The following BTBD7 variants were observed in gnomAD, a reference collection of about 807,000 sequenced individuals.
BTBD7 encodes the protein BTB/POZ domain-containing protein 7.
In BTBD7, 38 loss-of-function variants were observed where a neutral mutation model predicts 99.9. The observed-to-expected ratio is 0.38, with a 90% CI of 0.29 to 0.50. The LOEUF (loss-of-function observed/expected upper bound fraction) is 0.50, where lower values mean the gene tolerates loss of function less well. Among genes scored for constraint, BTBD7 ranks in the 20% least tolerant of loss-of-function variants. The pLI is 0.93. For synonymous variants in BTBD7, 520 were observed against 511.4 expected, an observed-to-expected ratio of 1.02 and a Z score of -0.23; for missense variants, 1,170 against 1,394.6, an observed-to-expected ratio of 0.84 and a Z score of 2.57.
Position 93,294,290 on chromosome 14 carries a change from T to C in BTBD7, c.730A>G (p.Met244Val), listed in dbSNP as rs769964438. The change falls in exon 3 of 11, where the codon ATG becomes GTG. Residue 244 changes from methionine (M) to valine (V), a missense_variant. Met to Val is a conservative substitution (Grantham distance 21). Transcript: ENST00000334746. ...CTAAGGACGACATCATAATAACACA[T>C]GTAATCAAAGAGTCCACGCATATCT... ...DVDMRGLFDY[M>V]CYYDVVLSFS... 3.1e-6 allele frequency: 5 copies of C among 1,614,130 alleles called. No individual in the cohort carries two copies. The South Asian group carries it at 3.3e-5, about 11-fold the overall frequency.
intron 4 of BTBD7, among the ~76,000 whole-genome samples, chr14:93,263,400 G>A (rs569748020): frequency 6.6e-6 from 1 of 152,308 alleles, no homozygotes; most frequent in African/African-American, 2.4e-5. Flanking sequence ...TTTTTACTTT[G>A]TGCTGCTGAA....
At position 93,332,995 on chromosome 14, in the gene BTBD7, C is replaced by G; in HGVS notation, c.-282G>C. 1.8e-6 allele frequency: 1 copy of G among 552,042 alleles called. No individual in the cohort carries two copies. Among genetic ancestry groups the G allele is most frequent in the Non-Finnish European group, 3.0e-6 (1 of 331,586 alleles). 34.2% of individuals were successfully genotyped at this position (552,042 alleles called of 1,614,324 possible). A position where few individuals can be genotyped will look rare whatever the true frequency, so the allele number is the denominator to read the frequency against. ...CAGTGGCTCAGGCTCCGGGACTGCT[C>G]CAGGTTCCCCTCGCCGCCATTTTGA... On this transcript the variant is annotated 5_prime_UTR_variant, in exon 1 of 11. Transcript: ENST00000334746.
chr14:93,272,703 C>T (rs1028746272), intron 3 of BTBD7, among the ~76,000 whole-genome samples: 5 of 152,160 alleles, frequency 3.3e-5, no homozygotes, highest in Admixed American at 1.3e-4. Flanking sequence ...CCAGGAATTC[C>T]GGATCCAAAG....
At chr14:93,313,218 A>G (rs993484388) in intron 1 of BTBD7, among the ~76,000 whole-genome samples, 2 of 152,216 alleles carry the variant, frequency 1.3e-5, no homozygotes, top group Admixed American at 1.3e-4. Flanking sequence ...ATTTCAAATT[A>G]TAAGTAAGAG....
chr14:93,303,837 AC>A (rs915631646), intron 1 of BTBD7, among the ~76,000 whole-genome samples: 1 of 151,712 alleles, frequency 6.6e-6, no homozygotes, highest in African/African-American at 2.4e-5. Flanking sequence ...CGGCCTCCCC[AC>A]CCCCCACCAG....
chr14:93,284,576 AAGATGACC>A (rs1305381741), intron 3 of BTBD7, among the ~76,000 whole-genome samples: 1 of 152,164 alleles, frequency 6.6e-6, no homozygotes, highest in Non-Finnish European at 1.5e-5. Context: ...AGGTTATTCA[AAGATGACC>A]AAGATTTTGA....
intron 3 of BTBD7, among the ~76,000 whole-genome samples, chr14:93,264,776 AAAAC>A (rs145665595): frequency 5.9e-5 from 9 of 152,150 alleles, no homozygotes; most frequent in Non-Finnish European, 8.8e-5. Flanking sequence ...TGATAATGTG[AAAAC>A]AAACAAACAA....
chr14:93,317,064 G>A (rs1433408465), intron 1 of BTBD7, among the ~76,000 whole-genome samples: 1 of 152,154 alleles, frequency 6.6e-6, no homozygotes, highest in Non-Finnish European at 1.5e-5. Context: ...AGAGTGCAGT[G>A]GTACGATCTC....
At chr14:93,244,230 CT>C in intron 10 of BTBD7, 1 of 327,968 alleles carries the variant, frequency 3.0e-6, no homozygotes, top group Admixed American at 3.4e-5. Flanking sequence ...CTGAGCTCAA[CT>C]GCAGATCTAA....
In BTBD7 at chr14:93,296,210, C is replaced by T. The variant is rs901057066; in HGVS notation, c.-106-53G>A. On this transcript the variant is annotated intron_variant, in intron 1 of 10. Coordinates refer to ENST00000334746, the MANE Select transcript of BTBD7 (RefSeq NM_001002860.4). ...TCATTTTTTCAAGTGTATCTCAGAT[C>T]ACAGTTTTTTTTAAAAAGCTACTGA... is the stretch of plus-strand genomic sequence containing the variant. The T allele has an allele frequency of 3.2e-6, 4 of 1,232,232 alleles. No homozygotes were observed. In the African/African-American group the frequency reaches 6.2e-5, roughly 19 times the overall value. The allele number at this position is 1,232,232 out of a possible 1,614,324, so 76.3% of individuals were successfully genotyped here. A position where few individuals can be genotyped will look rare whatever the true frequency, so the allele number is the denominator to read the frequency against.
intron 1 of BTBD7, among the ~76,000 whole-genome samples, chr14:93,303,372 G>C (rs931894990): frequency 1.3e-5 from 2 of 151,924 alleles, no homozygotes; most frequent in Non-Finnish European, 2.9e-5. Flanking sequence ...AGGAGTCTGA[G>C]GCAGGCAGCT....
At chr14:93,278,123 T>A (rs1385175721) in intron 3 of BTBD7, among the ~76,000 whole-genome samples, 2 of 152,214 alleles carry the variant, frequency 1.3e-5, no homozygotes, top group African/African-American at 4.8e-5. Context: ...CATGTAATTA[T>A]GTTTTTCAGC....
intron 1 of BTBD7, among the ~76,000 whole-genome samples, chr14:93,315,407 T>C (rs969414590): frequency 1.3e-5 from 2 of 152,216 alleles, no homozygotes; most frequent in South Asian, 2.1e-4. Flanking sequence ...TTGTTAGCCA[T>C]TGAGGTGTAC....
chr14:93,254,470 T>C (rs1266215551), intron 6 of BTBD7, among the ~76,000 whole-genome samples: 1 of 152,098 alleles, frequency 6.6e-6, no homozygotes, highest in East Asian at 1.9e-4. Flanking sequence ...AACATTGACA[T>C]GGGCCTATAT....
chr14:93,263,776 AATG>A lies in BTBD7; in HGVS notation c.1371+6_1371+8del. 6.2e-7 allele frequency: 1 copy of A among 1,608,800 alleles called. No individual in the cohort carries two copies. Among genetic ancestry groups the A allele is most frequent in the African/African-American group, 1.3e-5 (1 of 74,926 alleles). ...AATGACAGAGTTTGAGAGGTGTTTA[AATG>A]ATTACCTGTAGGTAGTCAGACTGGA... is the stretch of plus-strand genomic sequence containing the variant. On this transcript the variant is annotated splice_donor_region_variant and intron_variant, in intron 4 of 10. Transcript: ENST00000334746.
chr14:93,327,950 CA>C (rs1304130005), intron 1 of BTBD7, among the ~76,000 whole-genome samples: 1 of 152,148 alleles, frequency 6.6e-6, no homozygotes, highest in African/African-American at 2.4e-5. Flanking sequence ...AATTAACACA[CA>C]AAAATGAGTT....
intron 3 of BTBD7, among the ~76,000 whole-genome samples, chr14:93,278,014 T>C (rs1427953271): frequency 1.3e-5 from 2 of 152,370 alleles, no homozygotes; most frequent in African/African-American, 2.4e-5. Flanking sequence ...TTTTGTTTAC[T>C]ATCCTTAGAC....
intron 1 of BTBD7, among the ~76,000 whole-genome samples, chr14:93,327,401 C>T (rs2053345833): frequency 6.6e-6 from 1 of 152,104 alleles, no homozygotes; most frequent in South Asian, 2.1e-4. Context: ...GTCAGTCTTC[C>T]CCACTAAATA....
intron 3 of BTBD7, among the ~76,000 whole-genome samples, chr14:93,269,420 C>T (rs751872631): frequency 2.0e-5 from 3 of 152,092 alleles, no homozygotes; most frequent in Non-Finnish European, 4.4e-5. Flanking sequence ...ATGGACAAGT[C>T]CTGTAGGTAC....
Sources: allele counts gnomAD v4.1 joint callset (sites outside exome capture counted in the v4.1 genomes callset), GRCh38; gene constraint gnomAD v4.1.1; transcripts MANE v1.5; gene names NCBI Gene and HGNC (gene_info 2026-07-23, HGNC 2026-07-21).